LNX1: variants seen among roughly 807,000 people sequenced by gnomAD.
The protein encoded by LNX1 is E3 ubiquitin-protein ligase LNX.
A neutral mutation model predicts 68.4 loss-of-function variants in LNX1; 54 were observed. That is an observed-to-expected ratio of 0.79 (90% CI 0.63 to 0.99). The LOEUF (loss-of-function observed/expected upper bound fraction) is 0.99. Among genes scored for constraint, LNX1 ranks in the 50% least tolerant of loss-of-function variants. LNX1 has a pLI of 0.00. For synonymous variants in LNX1, 336 were observed against 350.0 expected, an observed-to-expected ratio of 0.96 and a Z score of 0.45; for missense variants, 906 against 926.4, an observed-to-expected ratio of 0.98 and a Z score of 0.29.
intron 6 of LNX1, among the ~76,000 whole-genome samples, chr4:53,489,519 T>G (rs1447412472): frequency 3.9e-5 from 6 of 152,138 alleles, no homozygotes; most frequent in Admixed American, 3.9e-4. Context: ...CAGACACCAT[T>G]TCTTTTAGGA....
In LNX1 at chr4:53,459,464, T is replaced by C; in HGVS notation, c.*1443A>G. 1 of 1,613,356 alleles carries C rather than the reference T, an allele frequency of 6.2e-7. No individual in the cohort carries two copies. The highest frequency in any genetic ancestry group is 1.1e-5 in the South Asian group (1 of 91,066). ...CTGCAGAATAGGCATGGTTTTGGCC[T>C]TTTGTGTATATTAGTACCAGAAGTA... On this transcript the variant is annotated 3_prime_UTR_variant, in exon 11 of 11. Transcript: ENST00000263925.
chr4:53,507,195 T>C (rs1725954721), intron 4 of LNX1, 122 bp downstream of exon 4: 1 of 1,036,390 alleles, frequency 9.6e-7, no homozygotes, highest in East Asian at 2.5e-5. Flanking sequence ...AAGTAAAAAA[T>C]ATTGTATACC....
intron 6 of LNX1, 45 bp downstream of exon 6, chr4:53,495,978 T>C (rs923613585): frequency 2.5e-6 from 4 of 1,578,874 alleles, no homozygotes; most frequent in Non-Finnish European, 2.6e-6. Context: ...TTCTTGCTCA[T>C]GTCCGGGGTT....
chr4:53,565,832 C>T (rs1479466561), intron 2 of LNX1, among the ~76,000 whole-genome samples: 1,814 of 151,448 alleles, frequency 0.012, 25 homozygotes, highest in African/African-American at 0.041. Flanking sequence ...AACCAAGGCT[C>T]GAGAACTACG....
rs1353286320 is a variant in LNX1 at position 53,496,065 on chromosome 4, A to G, written c.1308T>C (p.Asp436=). ...CACTTTCTGGGCTGCCATATCGAAGATCATGTCCATTGATGGCTAACACAC... is the reference window on the plus strand; with the variant it reads ...CACTTTCTGGGCTGCCATATCGAAGGTCATGTCCATTGATGGCTAACACAC... ...NDRVLAINGH[D]LRYGSPESAA... Residue 436 remains aspartate (D), a synonymous_variant, in exon 6 of 11, where the codon GAT becomes GAC. Coordinates refer to ENST00000263925, the MANE Select transcript of LNX1 (RefSeq NM_001126328.3). The G allele has an allele frequency of 1.2e-6, 2 of 1,614,118 alleles. No homozygotes were observed. The highest frequency in any genetic ancestry group is 2.2e-5 in the South Asian group (2 of 91,074).
intron 2 of LNX1, among the ~76,000 whole-genome samples, chr4:53,570,971 G>A (rs900855672): frequency 2.0e-5 from 3 of 151,486 alleles, no homozygotes; most frequent in South Asian, 4.2e-4. Context: ...AGCTTGTGGT[G>A]AGCAGAGATC....
chr4:53,627,794 A>G (rs1415862251), intron 1 of LNX1, among the ~76,000 whole-genome samples: 1 of 152,182 alleles, frequency 6.6e-6, no homozygotes, highest in Admixed American at 6.5e-5. Flanking sequence ...TGCTCCTAAA[A>G]GACGGTCTAG....
intron 9 of LNX1, among the ~76,000 whole-genome samples, chr4:53,472,502 GAAGA>G (rs1448401755): frequency 4.6e-5 from 7 of 151,532 alleles, no homozygotes; most frequent in Admixed American, 4.6e-4. Context: ...AAAAGAAGAA[GAAGA>G]AAGACACAAG....
Position 53,476,957 on chromosome 4 carries a change from C to A in LNX1, c.1688G>T (p.Gly563Val), listed in dbSNP as rs1290713543. The A allele has an allele frequency of 6.2e-7, 1 of 1,614,086 alleles. No homozygotes were observed. Among genetic ancestry groups the A allele is most frequent in the South Asian group, 1.1e-5 (1 of 91,084 alleles). Residue 563 changes from glycine (G) to valine (V), a missense_variant, in exon 9 of 11, where the codon GGG becomes GTG. Gly to Val is a moderately radical substitution (Grantham distance 109). Transcript: ENST00000263925. Reference protein sequence around the residue: ...KTGDILLNVDGVELTEVSRSE... With the variant: ...KTGDILLNVDVVELTEVSRSE... ...CCGGCTGACCTCTGTCAGTTCGACC[C>A]CATCCACATTCAACAAAATGTCACC...
chr4:53,596,321 A>C (rs138613905), upstream of LNX1, among the ~76,000 whole-genome samples: 821 of 152,340 alleles, frequency 5.4e-3, 5 homozygotes, highest in Non-Finnish European at 6.5e-3. Flanking sequence ...AGGAGGAAAC[A>C]CTTCTCTGGT....
intron 2 of LNX1, among the ~76,000 whole-genome samples, chr4:53,615,914 T>C (rs143491569): frequency 1.3e-5 from 2 of 152,336 alleles, no homozygotes; most frequent in African/African-American, 2.4e-5. Flanking sequence ...AACAATCCAA[T>C]CATACTATTC....
At chr4:53,624,320 G>A (rs2616418) in intron 1 of LNX1, among the ~76,000 whole-genome samples, 54,192 of 151,936 alleles carry the variant, frequency 0.36, 9,818 homozygotes, top group Admixed American at 0.4. Context: ...GATCATGGGG[G>A]CAATTTCCCC....
At chr4:53,493,274 G>A (rs1377769613) in intron 6 of LNX1, among the ~76,000 whole-genome samples, 1 of 152,164 alleles carries the variant, frequency 6.6e-6, no homozygotes, top group African/African-American at 2.4e-5. Flanking sequence ...GCCAGAAAAT[G>A]CCTCTTCTAA....
In LNX1 at chr4:53,570,104, G is replaced by A. The variant is rs573724120; in HGVS notation, c.380+3519C>T. Among the ~76,000 whole-genome samples the A allele has an allele frequency of 3.1e-3, 453 of 148,456 alleles. 1 individual carries two copies. Among genetic ancestry groups the A allele is most frequent in the Middle Eastern group, 0.014 (4 of 288 alleles). ...GTTCAACCATTGTGGAAGTCAGTGT[G>A]GCGATTCCTCAGGGATCTAGAACTA... is the stretch of plus-strand genomic sequence containing the variant. On this transcript the variant is annotated intron_variant, in intron 2 of 10. Coordinates refer to ENST00000263925, the MANE Select transcript of LNX1 (RefSeq NM_001126328.3).
rs774409896 is a variant in LNX1 at position 53,481,730 on chromosome 4, T to C, written c.1475A>G (p.Asn492Ser). 5.6e-6 allele frequency: 9 copies of C among 1,613,550 alleles called. No homozygotes were observed. Among genetic ancestry groups the C allele is most frequent in the Non-Finnish European group, 7.6e-6 (9 of 1,179,774 alleles). ...SWSPGPGERSNTPKPLHPTIT... is the reference protein window; with the variant it reads ...SWSPGPGERSSTPKPLHPTIT... ...CCCTAGAGGCCTCACCTTGGGAGTG[T>C]TGCTCCTCTCCCCTGGCCCTGGGGA... The change falls in exon 7 of 11, where the codon AAC becomes AGC. Residue 492 changes from asparagine (N) to serine (S), a missense_variant. Coordinates refer to ENST00000263925, the MANE Select transcript of LNX1 (RefSeq NM_001126328.3).
intron 2 of LNX1, among the ~76,000 whole-genome samples, chr4:53,548,845 TA>T (rs1477528802): frequency 1.3e-5 from 2 of 152,166 alleles, no homozygotes; most frequent in African/African-American, 4.8e-5. Flanking sequence ...TATGCAGCCA[TA>T]AAAAAGAACA....
At chr4:53,615,792 G>C (rs1295475595) in intron 2 of LNX1, among the ~76,000 whole-genome samples, 1 of 152,066 alleles carries the variant, frequency 6.6e-6, no homozygotes, top group Non-Finnish European at 1.5e-5. Flanking sequence ...TATAGTAGGT[G>C]CATATATTTA....
chr4:53,564,640 G>T (rs1275095737), intron 2 of LNX1, among the ~76,000 whole-genome samples: 1 of 152,142 alleles, frequency 6.6e-6, no homozygotes, highest in Non-Finnish European at 1.5e-5. Context: ...TTGGGGAGGA[G>T]CCAAGATGGC....
intron 2 of LNX1, among the ~76,000 whole-genome samples, chr4:53,599,383 C>T (rs1732895084): frequency 6.6e-6 from 1 of 152,162 alleles, no homozygotes; most frequent in Non-Finnish European, 1.5e-5. Flanking sequence ...AATGCCACGG[C>T]AACATCAGGA....
Sources: gnomAD v4.1 joint callset for allele counts (sites outside exome capture counted in the v4.1 genomes callset) on GRCh38, gnomAD v4.1.1 for gene constraint, MANE v1.5 for transcripts, NCBI Gene and HGNC (gene_info 2026-07-23, HGNC 2026-07-21) for gene names.